Variants in MCHR2 observed in about 807,000 individuals in gnomAD.
MCHR2 encodes melanin-concentrating hormone receptor 2.
In MCHR2, 15 loss-of-function variants were observed where a neutral mutation model predicts 24.8. The ratio of observed to expected loss-of-function variants is 0.60; its 90% CI spans 0.40 to 0.93. The LOEUF (loss-of-function observed/expected upper bound fraction) is 0.93, where lower values mean the gene tolerates loss of function less well. Ranked by LOEUF, MCHR2 falls within the 40% of genes least tolerant of loss-of-function variation. MCHR2 has a pLI of 0.00. For missense variants in MCHR2, 386 were observed against 408.7 expected (o/e 0.94, Z 0.48); for synonymous variants, 151 against 147.6 (o/e 1.02, Z -0.17).
intron 1 of MCHR2, among the ~76,000 whole-genome samples, chr6:99,975,304 C>T (rs1775525757): frequency 6.6e-6 from 1 of 152,176 alleles, no homozygotes; most frequent in African/African-American, 2.4e-5. Context: ...TCGCTGCCGC[C>T]TTGCAGTTTG....
At chr6:99,954,596 T>C (rs1775025007) in intron 2 of MCHR2, among the ~76,000 whole-genome samples, 1 of 152,192 alleles carries the variant, frequency 6.6e-6, no homozygotes, top group African/African-American at 2.4e-5. Flanking sequence ...GTTCTGGTGA[T>C]GTTACTGGGC....
At chr6:99,992,557 C>G (rs1775904676) in intron 1 of MCHR2, among the ~76,000 whole-genome samples, 1 of 152,214 alleles carries the variant, frequency 6.6e-6, no homozygotes, top group South Asian at 2.1e-4. Context: ...CCTGGCTCCT[C>G]TTTACAGTGC....
At chr6:99,921,502 T>C (rs1037851036) in intron 5 of MCHR2, among the ~76,000 whole-genome samples, 1 of 152,184 alleles carries the variant, frequency 6.6e-6, no homozygotes, top group Non-Finnish European at 1.5e-5. Flanking sequence ...TGTGGGTACA[T>C]AGTAGGTGTA....
chr6:99,970,532 G>T (rs1221384732), intron 1 of MCHR2, among the ~76,000 whole-genome samples: 2 of 152,110 alleles, frequency 1.3e-5, no homozygotes, highest in East Asian at 3.8e-4. Context: ...TCTGATGGTC[G>T]TTTCTTTTGC....
intron 1 of MCHR2, among the ~76,000 whole-genome samples, chr6:99,988,666 TCAATCAACAA>T (rs147021361): frequency 0.02 from 3,034 of 152,256 alleles, 100 homozygotes; most frequent in African/African-American, 0.069. Flanking sequence ...AACGAGATAA[TCAATCAACAA>T]CATTTCTCAT....
At chr6:99,950,265 T>C (rs1035646359) in intron 2 of MCHR2, among the ~76,000 whole-genome samples, 5 of 152,172 alleles carry the variant, frequency 3.3e-5, no homozygotes, top group Non-Finnish European at 7.4e-5. Context: ...TTGTCTTCTT[T>C]ACTGAAAGCA....
intron 1 of MCHR2, among the ~76,000 whole-genome samples, chr6:99,984,873 A>C (rs1775742800): frequency 6.6e-6 from 1 of 152,112 alleles, no homozygotes; most frequent in Non-Finnish European, 1.5e-5. Context: ...AATCAGAAAA[A>C]AGTAAGTCGA....
At chr6:99,928,032 A>T (rs1459186122) in intron 5 of MCHR2, among the ~76,000 whole-genome samples, 3 of 152,158 alleles carry the variant, frequency 2.0e-5, no homozygotes, top group African/African-American at 7.2e-5. Flanking sequence ...ATTTATTGAG[A>T]GTTTTTAGCA....
rs764892725 is a variant in MCHR2 at position 99,956,284 on chromosome 6, A to G, written c.-27-110T>C. The stretch of plus-strand genomic sequence containing the variant: ...ACCTCTTTTTTAAAACCAAGATTCC[A>G]TGGAACACAGGATCCCAGGGTGAGT... On this transcript the variant is annotated intron_variant, in intron 1 of 5. Transcript: ENST00000281806. The G allele has an allele frequency of 1.6e-5, 12 of 736,342 alleles. 1 individual carries two copies. Among genetic ancestry groups the G allele is most frequent in the Non-Finnish European group, 2.6e-5 (12 of 467,392 alleles). The allele number at this position is 736,342 out of a possible 1,614,324, so 45.6% of individuals were successfully genotyped here.
chr6:99,938,178 T>A (rs915189346), intron 4 of MCHR2, among the ~76,000 whole-genome samples: 1 of 151,978 alleles, frequency 6.6e-6, no homozygotes, highest in South Asian at 2.1e-4. Flanking sequence ...GTCTGTAGTT[T>A]TTTTAGTCTC....
rs375773655 is a variant in MCHR2, at chr6:99,975,015, C to T, written c.-27-18841G>A. Among the ~76,000 whole-genome samples the T allele has an allele frequency of 1.9e-4, 29 of 152,288 alleles. 1 individual carries two copies. The South Asian group carries it at 4.4e-3, about 23-fold the overall frequency. The stretch of plus-strand genomic sequence containing the variant: ...GGTGCCTCCCAGTTAGGCTGCTCGG[C>T]GGTCAGGGACCCACTTGAGGAGGCA... On this transcript the variant is annotated intron_variant, in intron 1 of 5. Transcript: ENST00000281806.
intron 4 of MCHR2, among the ~76,000 whole-genome samples, chr6:99,937,886 G>A (rs1000290398): frequency 2.0e-5 from 3 of 151,620 alleles, no homozygotes; most frequent in Non-Finnish European, 3.0e-5. Flanking sequence ...CTCCTTATTC[G>A]CTATTGATTT....
Position 99,980,853 on chromosome 6 carries a change from A to G in MCHR2, c.-28+13083T>C, listed in dbSNP as rs1045492439. Among the ~76,000 whole-genome samples the G allele has an allele frequency of 3.9e-5, 6 of 152,322 alleles. No individual in the cohort carries two copies. The East Asian group carries it at 1.2e-3, about 29-fold the overall frequency. On this transcript the variant is annotated intron_variant, in intron 1 of 5. Transcript: ENST00000281806. The stretch of plus-strand genomic sequence containing the variant: ...ATTACATGAAACTAGCTCCAAAAAC[A>G]TCAAAGAAAAGATATATCCATTCAG...
chr6:99,968,501 G>C (rs1413279981), intron 1 of MCHR2, among the ~76,000 whole-genome samples: 2 of 152,148 alleles, frequency 1.3e-5, no homozygotes, highest in African/African-American at 4.8e-5. Context: ...ATATCTCTAA[G>C]TGACATGGAG....
intron 1 of MCHR2, among the ~76,000 whole-genome samples, chr6:99,963,288 T>TA (rs908174333): frequency 6.6e-6 from 1 of 152,020 alleles, no homozygotes; most frequent in Admixed American, 6.6e-5. Flanking sequence ...GATGAATGTG[T>TA]AAAAAAAGTT....
At chr6:99,928,696 C>CT (rs764293105) in intron 5 of MCHR2, among the ~76,000 whole-genome samples, 3 of 151,970 alleles carry the variant, frequency 2.0e-5, no homozygotes, top group Admixed American at 6.6e-5. Context: ...CCCTTTATCA[C>CT]TTTTTATTGC....
chr6:99,971,469 T>A (rs985954094), intron 1 of MCHR2, among the ~76,000 whole-genome samples: 5 of 152,188 alleles, frequency 3.3e-5, no homozygotes, highest in South Asian at 2.1e-4. Flanking sequence ...GGCTGAGACA[T>A]TGGGGTTTTC....
chr6:99,931,396 A>G (rs956220260), intron 5 of MCHR2, among the ~76,000 whole-genome samples: 2 of 152,208 alleles, frequency 1.3e-5, no homozygotes, highest in East Asian at 3.9e-4. Flanking sequence ...TTAAGTCTGC[A>G]GAGGTTACTG....
At chr6:99,973,464 T>C (rs1394779626) in intron 1 of MCHR2, among the ~76,000 whole-genome samples, 7 of 152,218 alleles carry the variant, frequency 4.6e-5, no homozygotes, top group African/African-American at 7.2e-5. Flanking sequence ...TGTCTCTGCA[T>C]GTGAGATGGG....
Sources: allele counts gnomAD v4.1 joint callset (sites outside exome capture counted in the v4.1 genomes callset), GRCh38; gene constraint gnomAD v4.1.1; transcripts MANE v1.5; gene names NCBI Gene and HGNC (gene_info 2026-07-23, HGNC 2026-07-21).